Variants in RBP2 observed in about 807,000 individuals in gnomAD.
RBP2 encodes retinol-binding protein 2.
RBP2 carries 17 observed loss-of-function variants against 17.0 expected under a neutral mutation model. The ratio of observed to expected loss-of-function variants is 1.00; its 90% CI spans 0.68 to 1.50. The LOEUF (loss-of-function observed/expected upper bound fraction) is 1.50, where lower values mean the gene tolerates loss of function less well. Among genes scored for constraint, RBP2 ranks in the 40% most tolerant of loss-of-function variants. The pLI is 0.00. For missense variants in RBP2, 158 were observed against 168.2 expected, an observed-to-expected ratio of 0.94 and a Z score of 0.33; for synonymous variants, 48 against 57.1, an observed-to-expected ratio of 0.84 and a Z score of 0.72.
chr3:139,473,865 C>T (rs1205414115), intron 1 of RBP2, among the ~76,000 whole-genome samples: 2 of 152,148 alleles, frequency 1.3e-5, no homozygotes, highest in African/African-American at 2.4e-5. Flanking sequence ...CTGCACAGGG[C>T]CTCATGACTT....
chr3:139,453,835 C>T (rs1943351776), intron 3 of RBP2, among the ~76,000 whole-genome samples: 1 of 152,186 alleles, frequency 6.6e-6, no homozygotes, highest in African/African-American at 2.4e-5. Context: ...GATTGTATTA[C>T]AATTAGAAAA....
chr3:139,453,297 T>A, intron 3 of RBP2, 131 bp from the exon 4 acceptor site: 2 of 937,748 alleles, frequency 2.1e-6, no homozygotes, highest in Non-Finnish European at 3.4e-6. Flanking sequence ...GCAAAGTGCA[T>A]CTCACAGACC....
intron 1 of RBP2, among the ~76,000 whole-genome samples, chr3:139,472,048 G>T (rs1327538299): frequency 1.3e-5 from 2 of 151,922 alleles, no homozygotes; most frequent in African/African-American, 4.8e-5. Flanking sequence ...AGTGCCTTCT[G>T]GTGTCCCAGG....
intron 1 of RBP2, among the ~76,000 whole-genome samples, chr3:139,462,546 C>G (rs898555607): frequency 2.1e-5 from 3 of 145,714 alleles, no homozygotes; most frequent in Admixed American, 7.1e-5. Context: ...CACCCCTAAG[C>G]TGCAGCTCCC....
chr3:139,461,135 A>T (rs891752737), intron 2 of RBP2, among the ~76,000 whole-genome samples: 5 of 152,154 alleles, frequency 3.3e-5, no homozygotes, highest in African/African-American at 1.2e-4. Flanking sequence ...ACTGAGCATG[A>T]ATGTGAGCAG....
intron 1 of RBP2, 36 bp from the exon 2 acceptor site, chr3:139,462,326 C>G: frequency 1.9e-6 from 3 of 1,595,720 alleles, no homozygotes; most frequent in Non-Finnish European, 2.6e-6. Flanking sequence ...TTATGATGTG[C>G]TCAGCCAGAC....
At chr3:139,461,806 G>A (rs572970492) in intron 2 of RBP2, among the ~76,000 whole-genome samples, 2 of 152,146 alleles carry the variant, frequency 1.3e-5, no homozygotes, top group Admixed American at 1.3e-4. Context: ...GCAGGTGCAG[G>A]TGCTGTCCCT....
intron 1 of RBP2, among the ~76,000 whole-genome samples, chr3:139,469,687 G>GTCTGTCTGTCTGTCTA (rs1432677359): frequency 8.8e-4 from 117 of 132,976 alleles, no homozygotes; most frequent in South Asian, 2.7e-3. Context: ...CTGTCTGTCT[G>GTCTGTCTGTCTGTCTA]TCTATCTATC....
intron 2 of RBP2, among the ~76,000 whole-genome samples, chr3:139,457,474 G>A (rs542560558): frequency 7.2e-5 from 11 of 152,148 alleles, no homozygotes; most frequent in South Asian, 2.1e-4. Flanking sequence ...TAGTGCATGG[G>A]CCTGTCCTAA....
chr3:139,476,067 G>C (rs940174127), intron 1 of RBP2, among the ~76,000 whole-genome samples: 2 of 152,082 alleles, frequency 1.3e-5, no homozygotes, highest in Non-Finnish European at 2.9e-5. Context: ...GCAGAAGAGC[G>C]ACTGTGTTAT....
intron 1 of RBP2, among the ~76,000 whole-genome samples, chr3:139,465,111 T>C (rs1933313760): frequency 1.3e-5 from 2 of 152,188 alleles, no homozygotes; most frequent in African/African-American, 2.4e-5. Flanking sequence ...ATTGGATAGA[T>C]GTGTAGAGAG....
chr3:139,455,264 G>GA lies in RBP2; in HGVS notation c.253-435dup, dbSNP rs1431262731. ...ATAAAGGGCTCCTGTAAATCAATAA[G>GA]AAAAATGTCATTAACTTAATAGTTC... On this transcript the variant is annotated intron_variant, in intron 2 of 3. Coordinates refer to ENST00000232217, the MANE Select transcript of RBP2 (RefSeq NM_004164.3). 6.6e-5 allele frequency among the ~76,000 whole-genome samples: 10 copies of GA among 152,252 alleles called. No homozygotes were observed. The East Asian group carries it at 1.9e-3, about 29-fold the overall frequency.
Position 139,470,324 on chromosome 3 carries a change from C to T in RBP2, c.73+6063G>A, listed in dbSNP as rs184779208. Among the ~76,000 whole-genome samples, 337 of 152,162 alleles carry T rather than the reference C, an allele frequency of 2.2e-3. 2 individuals are homozygous for T. The highest frequency in any genetic ancestry group is 3.2e-3 in the Admixed American group (49 of 15,270). On this transcript the variant is annotated intron_variant, in intron 1 of 3. Coordinates refer to ENST00000232217, the MANE Select transcript of RBP2 (RefSeq NM_004164.3). ...TCACTTCATATTCATCTGCAAACCC[C>T]GTGAGCTTTATCTGCAAAATATATG...
chr3:139,474,023 C>T (rs960226662), intron 1 of RBP2, among the ~76,000 whole-genome samples: 2 of 152,192 alleles, frequency 1.3e-5, no homozygotes, highest in Admixed American at 6.5e-5. Context: ...TAACACTCTA[C>T]ACTGCGGAGA....
At chr3:139,469,742 C>A (rs1299841976) in intron 1 of RBP2, among the ~76,000 whole-genome samples, 2 of 135,966 alleles carry the variant, frequency 1.5e-5, no homozygotes, top group South Asian at 4.6e-4. Context: ...TCTACCTACT[C>A]ATTTTCACCC....
chr3:139,456,719 T>TA (rs1284281670), intron 2 of RBP2, among the ~76,000 whole-genome samples: 5 of 152,192 alleles, frequency 3.3e-5, no homozygotes, highest in African/African-American at 1.2e-4. Flanking sequence ...AAGAAAATGT[T>TA]ACTTTTTACT....
intron 1 of RBP2, among the ~76,000 whole-genome samples, chr3:139,469,725 C>T (rs1387833785): frequency 6.6e-6 from 1 of 150,608 alleles, no homozygotes; most frequent in African/African-American, 2.5e-5. Flanking sequence ...ATCTATCTAT[C>T]TATCTATCTA....
intron 1 of RBP2, among the ~76,000 whole-genome samples, chr3:139,470,109 T>G (rs1394619438): frequency 2.0e-5 from 3 of 152,216 alleles, no homozygotes; most frequent in African/African-American, 7.2e-5. Context: ...CATTTGAATG[T>G]GTAACATATC....
intron 1 of RBP2, among the ~76,000 whole-genome samples, chr3:139,464,084 G>A (rs1275715621): frequency 3.3e-5 from 5 of 152,154 alleles, no homozygotes; most frequent in South Asian, 2.1e-4. Flanking sequence ...GGAGATTGAC[G>A]ACTCTGCTGT....
Sources: gnomAD v4.1 joint callset for allele counts (sites outside exome capture counted in the v4.1 genomes callset) on GRCh38, gnomAD v4.1.1 for gene constraint, MANE v1.5 for transcripts, NCBI Gene and HGNC (gene_info 2026-07-23, HGNC 2026-07-21) for gene names.